Variants in SEC14L5 observed in about 807,000 individuals in gnomAD.
SEC14L5 encodes the protein SEC14 like lipid binding 5, also known as SEC14-like protein 5.
A neutral mutation model predicts 84.6 loss-of-function variants in SEC14L5; 96 were observed. The observed-to-expected ratio is 1.13, with a 90% CI of 0.96 to 1.34. SEC14L5 has a LOEUF of 1.34. Ranked by LOEUF, SEC14L5 falls within the 40% of genes most tolerant of loss-of-function variation. The pLI is 0.00. For synonymous variants in SEC14L5, 546 were observed against 383.4 expected, an observed-to-expected ratio of 1.42 and a Z score of -4.95; for missense variants, 1,224 against 942.5, an observed-to-expected ratio of 1.30 and a Z score of -3.91.
intron 4 of SEC14L5, among the ~76,000 whole-genome samples, chr16:4,990,286 C>T (rs2142505847): frequency 6.6e-6 from 1 of 152,140 alleles, no homozygotes; most frequent in Admixed American, 6.5e-5. Context: ...CCTCAGCCTC[C>T]CGAGTAGCTG....
intron 13 of SEC14L5, among the ~76,000 whole-genome samples, chr16:5,007,986 C>T (rs1466647614): frequency 6.7e-6 from 1 of 149,268 alleles, no homozygotes; most frequent in African/African-American, 2.5e-5. Flanking sequence ...TGGCTCACTG[C>T]AACTTCTGCC....
intron 2 of SEC14L5, among the ~76,000 whole-genome samples, chr16:4,971,032 G>A (rs1425428834): frequency 3.3e-5 from 5 of 151,428 alleles, no homozygotes; most frequent in South Asian, 2.1e-4. Flanking sequence ...CGCTTGAACC[G>A]GGAGGTGGAG....
chr16:4,996,146 G>A (rs976244488), intron 6 of SEC14L5, among the ~76,000 whole-genome samples: 4 of 152,134 alleles, frequency 2.6e-5, no homozygotes, highest in Admixed American at 2.0e-4. Flanking sequence ...CTGATGATGC[G>A]TTTTCAGAAC....
chr16:4,985,335 C>A (rs761961516), intron 2 of SEC14L5, among the ~76,000 whole-genome samples: 1 of 152,148 alleles, frequency 6.6e-6, no homozygotes, highest in Non-Finnish European at 1.5e-5. Context: ...AAGTGATTCT[C>A]CTGCCTCAGC....
Position 5,000,920 on chromosome 16 carries a change from C to A in SEC14L5, c.1125C>A (p.Pro375=). Residue 375 remains proline (P), a synonymous_variant, in exon 10 of 16, where the codon CCC becomes CCA. Coordinates refer to ENST00000251170, the MANE Select transcript of SEC14L5 (RefSeq NM_014692.2). Reference sequence around the variant, plus strand: ...GGAGCACAAGGCAGCTGGGCCGTCCCATCAGGCAAACACCTGGGCTGGGCA... The same window carrying A: ...GGAGCACAAGGCAGCTGGGCCGTCCAATCAGGCAAACACCTGGGCTGGGCA... The part of the protein sequence containing the change: ...CEGSTRQLGR[P]ISSWTCLLDL... The A allele has an allele frequency of 6.2e-7, 1 of 1,605,668 alleles. No individual in the cohort carries two copies.
At chr16:4,962,686 C>CAA (rs761644374) in intron 2 of SEC14L5, among the ~76,000 whole-genome samples, 25,955 of 80,722 alleles carry the variant, frequency 0.32, 3,855 homozygotes, top group Non-Finnish European at 0.41. Flanking sequence ...AACTCTGTCT[C>CAA]AAAAAAAAAA....
chr16:4,998,949 G>T (rs907848158), intron 8 of SEC14L5, among the ~76,000 whole-genome samples: 1 of 152,140 alleles, frequency 6.6e-6, no homozygotes, highest in African/African-American at 2.4e-5. Context: ...GTCATGCTGA[G>T]ACATATTCAG....
At chr16:5,001,042 A>G in intron 10 of SEC14L5, 117 bp downstream of exon 10, 1 of 779,922 alleles carries the variant, frequency 1.3e-6, no homozygotes, top group South Asian at 1.6e-5. Context: ...ATTCTCCCCC[A>G]GTTTCTACAG....
At chr16:4,978,565 C>T (rs1435294810) in intron 2 of SEC14L5, among the ~76,000 whole-genome samples, 2 of 148,794 alleles carry the variant, frequency 1.3e-5, no homozygotes, top group African/African-American at 2.5e-5. Flanking sequence ...ATTACAGGTA[C>T]GTGCCACCAC....
intron 2 of SEC14L5, among the ~76,000 whole-genome samples, chr16:4,969,199 G>C (rs947193974): frequency 6.6e-6 from 1 of 152,212 alleles, no homozygotes; most frequent in African/African-American, 2.4e-5. Flanking sequence ...GATTTCCGAG[G>C]GCCCTGAAAT....
chr16:4,983,690 A>G (rs1955453538), intron 2 of SEC14L5, among the ~76,000 whole-genome samples: 1 of 151,894 alleles, frequency 6.6e-6, no homozygotes, highest in Admixed American at 6.6e-5. Context: ...CAACCTGACC[A>G]ACATGGTGAA....
At chr16:4,978,101 CTTTAT>C (rs1236054940) in intron 2 of SEC14L5, among the ~76,000 whole-genome samples, 1 of 145,698 alleles carries the variant, frequency 6.9e-6, no homozygotes, top group Non-Finnish European at 1.5e-5. Flanking sequence ...TGTGCACAGC[CTTTAT>C]TTTATTTTTT....
chr16:4,969,682 C>T (rs981249393), intron 2 of SEC14L5, among the ~76,000 whole-genome samples: 1 of 152,094 alleles, frequency 6.6e-6, no homozygotes, highest in African/African-American at 2.4e-5. Context: ...CTGTGACCGG[C>T]CTGATCTGGT....
rs1001508147 is a variant in SEC14L5 at position 5,018,224 on chromosome 16, G to A, written c.*3254G>A. 6.6e-6 allele frequency: 1 copy of A among 152,218 alleles called. No individual in the cohort carries two copies. The highest frequency in any genetic ancestry group is 2.4e-5 in the African/African-American group (1 of 41,460). The allele number at this position is 152,218 out of a possible 1,614,324, so 9.4% of individuals were successfully genotyped here. A position where few individuals can be genotyped will look rare whatever the true frequency, so the allele number is the denominator to read the frequency against. The stretch of plus-strand genomic sequence containing the variant: ...AGAAAGCGCTCCATTAATGTCAGTG[G>A]TCATTCTGATTACTTAATGCTTCGC... On this transcript the variant is annotated 3_prime_UTR_variant, in exon 16 of 16. Transcript: ENST00000251170.
intron 14 of SEC14L5, among the ~76,000 whole-genome samples, chr16:5,009,775 G>C (rs988604504): frequency 6.6e-6 from 1 of 152,144 alleles, no homozygotes; most frequent in African/African-American, 2.4e-5. Context: ...TTGAAGTTCA[G>C]GTTGCCTGCA....
chr16:4,978,823 G>A (rs547705438), intron 2 of SEC14L5, among the ~76,000 whole-genome samples: 3 of 152,208 alleles, frequency 2.0e-5, no homozygotes, highest in East Asian at 1.9e-4. Flanking sequence ...GGATGGTCTC[G>A]ATCGCTTGAC....
chr16:4,986,907 G>A (rs1299933056), intron 2 of SEC14L5, among the ~76,000 whole-genome samples: 1 of 152,054 alleles, frequency 6.6e-6, no homozygotes, highest in African/African-American at 2.4e-5. Context: ...TCATTGATTA[G>A]TTCTAATCTT....
chr16:4,994,907 C>G (rs1955593063), intron 6 of SEC14L5, among the ~76,000 whole-genome samples: 1 of 152,148 alleles, frequency 6.6e-6, no homozygotes, highest in Non-Finnish European at 1.5e-5. Context: ...GTAGAAAAAG[C>G]CTTCACATCT....
intron 2 of SEC14L5, among the ~76,000 whole-genome samples, chr16:4,969,552 T>G (rs1955249117): frequency 6.6e-6 from 1 of 152,126 alleles, no homozygotes; most frequent in Non-Finnish European, 1.5e-5. Flanking sequence ...CTCGGCTAAG[T>G]TTTGCATTTT....
Sources: allele counts gnomAD v4.1 joint callset (sites outside exome capture counted in the v4.1 genomes callset), GRCh38; gene constraint gnomAD v4.1.1; transcripts MANE v1.5; gene names NCBI Gene and HGNC (gene_info 2026-07-23, HGNC 2026-07-21).